Variants in DPF3 observed in about 807,000 individuals in gnomAD.
The protein encoded by DPF3 is double PHD fingers 3, also known as zinc finger protein DPF3.
In DPF3, 18 loss-of-function variants were observed where a neutral mutation model predicts 56.8. That is an observed-to-expected ratio of 0.32 (90% CI 0.22 to 0.47). The LOEUF is 0.47. DPF3 is among the 20% of genes least tolerant of loss of function. The pLI is 1.00. For missense variants in DPF3, 403 were observed against 488.8 expected (o/e 0.82, Z 1.65); for synonymous variants, 188 against 180.2 (o/e 1.04, Z -0.35).
intron 8 of DPF3, among the ~76,000 whole-genome samples, chr14:72,660,291 G>A (rs1886169752): frequency 6.6e-6 from 1 of 151,950 alleles, no homozygotes; most frequent in Non-Finnish European, 1.5e-5. Context: ...TTACTGCTAG[G>A]AAAACTTACA....
At chr14:72,869,931 G>C (rs73306219) in intron 1 of DPF3, among the ~76,000 whole-genome samples, 13,057 of 152,084 alleles carry the variant, frequency 0.086, 827 homozygotes, top group African/African-American at 0.17. Flanking sequence ...ATTCAGAGCA[G>C]TCAGTTCAGA....
intron 6 of DPF3, 133 bp downstream of exon 6, chr14:72,714,290 G>C: frequency 8.8e-7 from 1 of 1,133,000 alleles, no homozygotes; most frequent in Non-Finnish European, 1.3e-6. Flanking sequence ...AGGCGAGTAA[G>C]CTGGGGTGCA....
At chr14:72,806,781 G>C (rs142469839) in intron 1 of DPF3, 2 of 152,096 alleles carry the variant, frequency 1.3e-5, no homozygotes, top group African/African-American at 2.4e-5. Flanking sequence ...CTACCTTACA[G>C]CAGAGTTCAT....
rs1567175674 is a variant in DPF3 at position 72,615,318 on chromosome 14, G to A, written c.*3979C>T. Among the ~76,000 whole-genome samples, 1 of 152,198 alleles carries A rather than the reference G, an allele frequency of 6.6e-6. No homozygotes were observed. The highest frequency in any genetic ancestry group is 1.5e-5 in the Non-Finnish European group (1 of 68,018). On this transcript the variant is annotated 3_prime_UTR_variant, in exon 11 of 11. Coordinates refer to ENST00000556509, the MANE Select transcript of DPF3 (RefSeq NM_001280542.3). ...TCTTTGAGTCCTGAGGCCTGAGGTT[G>A]CCAGCAACCTTTCTTCAGCGGCATA...
intron 1 of DPF3, among the ~76,000 whole-genome samples, chr14:72,791,164 C>A (rs1892414162): frequency 6.6e-6 from 1 of 152,180 alleles, no homozygotes; most frequent in Admixed American, 6.5e-5. Context: ...TGCACTAGCC[C>A]CCCACCATGT....
chr14:72,663,613 G>A (rs555139135), intron 8 of DPF3, among the ~76,000 whole-genome samples: 12 of 152,298 alleles, frequency 7.9e-5, no homozygotes, highest in East Asian at 5.8e-4. Flanking sequence ...TCTTTGGAAC[G>A]GAGTAGTTGA....
intron 1 of DPF3, among the ~76,000 whole-genome samples, chr14:72,840,310 T>C (rs1599487282): frequency 6.6e-6 from 1 of 152,326 alleles, no homozygotes; most frequent in South Asian, 2.1e-4. Context: ...TGTTTGATTT[T>C]TTTTATTTAT....
intron 1 of DPF3, among the ~76,000 whole-genome samples, chr14:72,869,595 A>G (rs1885814415): frequency 6.6e-6 from 1 of 152,128 alleles, no homozygotes. Context: ...ACAAGATCTC[A>G]GGCTCTTCCC....
At chr14:72,853,563 C>A (rs1377636362) in intron 1 of DPF3, among the ~76,000 whole-genome samples, 1 of 150,240 alleles carries the variant, frequency 6.7e-6, no homozygotes, top group Non-Finnish European at 1.5e-5. Flanking sequence ...CAACCTCTGC[C>A]TCCCAGATTC....
At chr14:72,881,144 A>C (rs2140124011) in intron 1 of DPF3, among the ~76,000 whole-genome samples, 1 of 152,354 alleles carries the variant, frequency 6.6e-6, no homozygotes, top group Middle Eastern at 3.4e-3. Context: ...CCACTGAACT[A>C]TGGAAGGCTG....
At chr14:72,671,331 C>G in intron 8 of DPF3, 1 of 1,613,962 alleles carries the variant, frequency 6.2e-7, no homozygotes, top group South Asian at 1.1e-5. Context: ...CTTCTCCTCC[C>G]AAATGAGCTG....
At chr14:72,842,168 AC>A (rs1031164284) in intron 1 of DPF3, among the ~76,000 whole-genome samples, 2 of 151,596 alleles carry the variant, frequency 1.3e-5, no homozygotes, top group African/African-American at 4.8e-5. Context: ...GATAATTGGC[AC>A]CCCTTTGGAA....
intron 8 of DPF3, among the ~76,000 whole-genome samples, chr14:72,653,785 A>T (rs1383731061): frequency 6.6e-6 from 1 of 152,208 alleles, no homozygotes; most frequent in Non-Finnish European, 1.5e-5. Context: ...AGGTAGTGTC[A>T]TCGCAGTTTC....
At chr14:72,668,153 G>A (rs1309091952) in intron 8 of DPF3, among the ~76,000 whole-genome samples, 1 of 152,136 alleles carries the variant, frequency 6.6e-6, no homozygotes, top group Non-Finnish European at 1.5e-5. Context: ...CACCACTAAA[G>A]TGGTTGGAAA....
At chr14:72,782,965 C>A (rs1356932531) in intron 1 of DPF3, among the ~76,000 whole-genome samples, 2 of 152,192 alleles carry the variant, frequency 1.3e-5, no homozygotes, top group Non-Finnish European at 2.9e-5. Flanking sequence ...GCTGGGCTCA[C>A]CTTTCCTGCT....
At chr14:72,804,301 C>T (rs2140006364) in intron 1 of DPF3, among the ~76,000 whole-genome samples, 1 of 151,980 alleles carries the variant, frequency 6.6e-6, no homozygotes, top group East Asian at 1.9e-4. Flanking sequence ...TGTGACAGTG[C>T]TTCTTTGTGG....
At chr14:72,888,840 T>C (rs1442540059) in intron 1 of DPF3, among the ~76,000 whole-genome samples, 2 of 152,206 alleles carry the variant, frequency 1.3e-5, no homozygotes, top group African/African-American at 4.8e-5. Context: ...CAAAAGTTAC[T>C]TTGCAGAGGT....
At chr14:72,774,040 T>A in intron 1 of DPF3, 1 of 449,014 alleles carries the variant, frequency 2.2e-6, no homozygotes, top group Non-Finnish European at 4.5e-6. Context: ...ATCCCAGCAC[T>A]TTGGGAGGCT....
Position 72,658,137 on chromosome 14 carries a change from T to G in DPF3, c.871+16103A>C, listed in dbSNP as rs137980911. On this transcript the variant is annotated intron_variant, in intron 8 of 10. Transcript: ENST00000556509. ...GGTAGCTTAACTGAATATTTTAAAA[T>G]AATGTAAAGAGTGTAATCAGATTGT... is the stretch of plus-strand genomic sequence containing the variant. Among the ~76,000 whole-genome samples the G allele has an allele frequency of 6.6e-5, 10 of 152,314 alleles. No individual in the cohort carries two copies. In the East Asian group the frequency reaches 1.9e-3, roughly 29 times the overall value.
Sources: allele counts gnomAD v4.1 joint callset (sites outside exome capture counted in the v4.1 genomes callset), GRCh38; gene constraint gnomAD v4.1.1; transcripts MANE v1.5; gene names NCBI Gene and HGNC (gene_info 2026-07-23, HGNC 2026-07-21).